Variants in POLR1C observed in about 807,000 individuals in gnomAD.
POLR1C encodes the protein RNA polymerase I and III subunit C.
POLR1C carries 42 observed loss-of-function variants against 38.3 expected under a neutral mutation model. That is an observed-to-expected ratio of 1.10 (90% confidence interval 0.86 to 1.42). The LOEUF (loss-of-function observed/expected upper bound fraction) is 1.42. Ranked by LOEUF, POLR1C falls within the 40% of genes most tolerant of loss-of-function variation. The pLI is 0.00. For missense variants in POLR1C, 507 were observed against 450.5 expected, an observed-to-expected ratio of 1.13 and a Z score of -1.14; for synonymous variants, 163 against 163.9, an observed-to-expected ratio of 0.99 and a Z score of 0.04.
intron 8 of POLR1C, chr6:43,527,851 CA>C (rs1177432475): frequency 9.4e-7 from 1 of 1,068,328 alleles, no homozygotes; most frequent in Non-Finnish European, 1.4e-6. Context: ...TCGTTTTATG[CA>C]AAAGTTGGGA....
intron 9 of POLR1C, among the ~76,000 whole-genome samples, chr6:43,548,731 T>G (rs1266810921): frequency 6.6e-6 from 1 of 150,756 alleles, no homozygotes; most frequent in Admixed American, 6.6e-5. Flanking sequence ...TATATATATA[T>G]AGATATATAT....
At chr6:43,532,037 C>T (rs962460182), downstream of POLR1C, among the ~76,000 whole-genome samples, 7 of 152,258 alleles carry the variant, frequency 4.6e-5, no homozygotes, top group African/African-American at 1.7e-4. Context: ...ATTTCGAGTC[C>T]TATAGTCAGA....
At chr6:43,542,527 A>G (rs1231782811) in intron 9 of POLR1C, among the ~76,000 whole-genome samples, 1 of 151,980 alleles carries the variant, frequency 6.6e-6, no homozygotes, top group African/African-American at 2.4e-5. Flanking sequence ...CTCCTACCTC[A>G]GCCTCCTGAG....
rs891995003 is a variant in POLR1C at position 43,521,007 on chromosome 6, A to G, written c.881A>G (p.Lys294Arg). ...GAAATCTTCCGGAATGAGAAGCTAA[A>G]GAAGGTTGTGAGGCTTGCCCGGGTT... ...SREIFRNEKLKKVVRLARVRD... is the reference protein window; with the variant it reads ...SREIFRNEKLRKVVRLARVRD... The change falls in exon 8 of 9, where the codon AAG (lysine) becomes AGG (arginine). Residue 294 changes from lysine to arginine, a missense_variant. Transcript: ENST00000642195. 1 of 1,614,164 alleles carries G rather than the reference A, an allele frequency of 6.2e-7. No homozygotes were observed. Among genetic ancestry groups the G allele is most frequent in the Non-Finnish European group, 8.5e-7 (1 of 1,179,998 alleles).
chr6:43,526,765 G>T, intron 8 of POLR1C: 1 of 1,612,386 alleles, frequency 6.2e-7, no homozygotes, highest in Non-Finnish European at 8.5e-7. Flanking sequence ...AAGAAAGCAG[G>T]GTTACTAGGT....
chr6:43,520,625 G>C lies in POLR1C; in HGVS notation c.656G>C (p.Gly219Ala). ...AGGCACGTTCCCTCTTCCTCTCCAG[G>C]CAAAGATCATGCCAAGTTTTCACCA... The part of the protein sequence containing the change: ...DLLMHCVKGI[G>A]KDHAKFSPVA... The change falls in exon 7 of 9, where the codon GGC becomes GCC. Residue 219 changes from glycine to alanine, a missense_variant and splice_region_variant. Transcript: ENST00000642195. 1 of 1,614,134 alleles carries C rather than the reference G, an allele frequency of 6.2e-7. No homozygotes were observed. The highest frequency in any genetic ancestry group is 8.5e-7 in the Non-Finnish European group (1 of 1,180,024).
intron 9 of POLR1C, chr6:43,538,750 G>A (rs1213561798): frequency 1.8e-6 from 1 of 567,782 alleles, no homozygotes; most frequent in East Asian, 3.0e-5. Flanking sequence ...CATAAAATGA[G>A]TTATGGAGCA....
intron 9 of POLR1C, among the ~76,000 whole-genome samples, chr6:43,535,805 C>T (rs1307256726): frequency 8.1e-6 from 1 of 123,706 alleles, no homozygotes. Flanking sequence ...CAGAGCGAGA[C>T]TCCATCTCAA....
downstream of POLR1C, chr6:43,530,603 C>G (rs1793906590): frequency 6.7e-7 from 1 of 1,487,692 alleles, no homozygotes; most frequent in South Asian, 1.3e-5. Flanking sequence ...AGTTCTGCCT[C>G]TTCCCTCTGG....
chr6:43,539,579 G>A (rs59052112), intron 9 of POLR1C: 27 of 1,352,728 alleles, frequency 2.0e-5, no homozygotes, highest in African/African-American at 2.9e-5. Context: ...GCCCCGGCCC[G>A]GTCCACGGCT....
At chr6:43,543,098 A>C (rs2127723154) in intron 9 of POLR1C, among the ~76,000 whole-genome samples, 1 of 152,326 alleles carries the variant, frequency 6.6e-6, no homozygotes, top group South Asian at 2.1e-4. Flanking sequence ...GAGCGAAAGG[A>C]AGGCAGACAC....
chr6:43,547,726 A>C lies in POLR1C; in HGVS notation c.*5-3242A>C, dbSNP rs752143537. 3 of 1,606,996 alleles carry C rather than the reference A, an allele frequency of 1.9e-6. No individual in the cohort carries two copies. In the East Asian group the frequency reaches 6.7e-5, roughly 36 times the overall value. On this transcript the variant is annotated intron_variant, in intron 9 of 10. Transcript: ENST00000607635. ...CAGCACTCTGAAGGTTGGAGGGGGA[A>C]AAACAAGTTACATCATGACTTTAAA...
intron 9 of POLR1C, chr6:43,547,166 A>G: frequency 2.9e-6 from 1 of 347,206 alleles, no homozygotes; most frequent in Non-Finnish European, 5.4e-6. Flanking sequence ...TCAACCTACT[A>G]CTTGCCAGGT....
intron 9 of POLR1C, chr6:43,546,829 A>G: frequency 7.2e-7 from 1 of 1,381,406 alleles, no homozygotes; most frequent in African/African-American, 1.5e-5. Context: ...GATATATTCA[A>G]GGTTCTGGCA....
chr6:43,559,840 G>A (rs552752578), intron 10 of POLR1C, among the ~76,000 whole-genome samples: 26 of 152,034 alleles, frequency 1.7e-4, no homozygotes, highest in Non-Finnish European at 3.5e-4. Flanking sequence ...CCCGAGACAG[G>A]GTCTCACTCT....
In POLR1C at chr6:43,554,267, G is replaced by A. The variant is rs545333944; in HGVS notation, c.*48+3256G>A. Among the ~76,000 whole-genome samples, 4 of 151,740 alleles carry A rather than the reference G, an allele frequency of 2.6e-5. No homozygotes were observed. The South Asian group carries it at 8.3e-4, about 32-fold the overall frequency. ...ATTACAGCCACCTGCCACCATGCCC[G>A]GCTAATTTTTGTATTTTTTTTTTTT... is the stretch of plus-strand genomic sequence containing the variant. On this transcript the variant is annotated intron_variant, in intron 10 of 10. Coordinates refer to the POLR1C transcript ENST00000607635.
chr6:43,550,750 CTCT>C (rs1462146472), intron 9 of POLR1C, among the ~76,000 whole-genome samples: 1 of 152,188 alleles, frequency 6.6e-6, no homozygotes, highest in Non-Finnish European at 1.5e-5. Context: ...CTCATGCTTT[CTCT>C]TCTTTAGTCC....
At chr6:43,551,256 G>C (rs1475361583) in intron 10 of POLR1C, 1 of 1,522,352 alleles carries the variant, frequency 6.6e-7, no homozygotes, top group Non-Finnish European at 8.8e-7. Context: ...AATTAACTTA[G>C]AAATGTCAAA....
chr6:43,559,878 C>T (rs887981013), intron 10 of POLR1C, among the ~76,000 whole-genome samples: 9 of 152,090 alleles, frequency 5.9e-5, no homozygotes, highest in Admixed American at 1.3e-4. Context: ...TGCAGTGCTG[C>T]GATCTCAGCT....
Sources: allele counts gnomAD v4.1 joint callset (sites outside exome capture counted in the v4.1 genomes callset), GRCh38; gene constraint gnomAD v4.1.1; transcripts MANE v1.5; gene names NCBI Gene and HGNC (gene_info 2026-07-23, HGNC 2026-07-21).